Variants in NFIB observed in about 807,000 individuals in gnomAD.
NFIB encodes the protein nuclear factor 1 B-type.
A neutral mutation model predicts 61.5 loss-of-function variants in NFIB; 11 were observed. That is an observed-to-expected ratio of 0.18 (90% CI 0.11 to 0.30). The LOEUF (loss-of-function observed/expected upper bound fraction) is 0.30, where lower values mean the gene tolerates loss of function less well. Among genes scored for constraint, NFIB ranks in the 10% least tolerant of loss-of-function variants. The pLI, the probability that NFIB is intolerant of heterozygous loss-of-function variation, is 1.00. For missense variants in NFIB, 471 were observed against 608.9 expected, an observed-to-expected ratio of 0.77 and a Z score of 2.38; for synonymous variants, 260 against 216.5, an observed-to-expected ratio of 1.20 and a Z score of -1.76.
rs1295356906 is a variant in NFIB, at chr9:14,086,515, T to A, written c.*1794A>T. The A allele has an allele frequency of 4.7e-6, 1 of 211,280 alleles. No homozygotes were observed. The highest frequency in any genetic ancestry group is 2.3e-5 in the African/African-American group (1 of 44,036). 13.1% of individuals were successfully genotyped at this position (211,280 alleles called of 1,614,324 possible). On this transcript the variant is annotated 3_prime_UTR_variant, in exon 11 of 11. Transcript: ENST00000380953. ...TCCCCCCCAAATATTAATTGGAAGA[T>A]GAAAAACATGAAAGGTTAATAGAAA... is the stretch of plus-strand genomic sequence containing the variant.
rs573960819 is a variant in NFIB, at chr9:14,082,767, T to C, written c.*5542A>G. On this transcript the variant is annotated 3_prime_UTR_variant, in exon 11 of 11. Transcript: ENST00000380953. ...TGAAGGATGCATAAAAAGCCATACT[T>C]CTTAAAAAAAAAAAAAAGAAAAAAA... 1 of 188,478 alleles carries C rather than the reference T, an allele frequency of 5.3e-6. No individual in the cohort carries two copies. Among genetic ancestry groups the C allele is most frequent in the Admixed American group, 6.3e-5 (1 of 15,948 alleles). The allele number at this position is 188,478 out of a possible 1,614,324, so 11.7% of individuals were successfully genotyped here.
At chr9:14,326,976 C>T (rs1194069426) in intron 1 of NFIB, among the ~76,000 whole-genome samples, 1 of 151,970 alleles carries the variant, frequency 6.6e-6, no homozygotes. Flanking sequence ...AAAAAGAAAA[C>T]AATAAATTGG....
At chr9:14,441,307 A>G in the NFIB span, among the ~76,000 whole-genome samples, 1 of 152,200 alleles carries the variant, frequency 6.6e-6, no homozygotes, top group East Asian at 1.9e-4. Context: ...GAAGTTTGTG[A>G]TTCTCCAAAC....
At chr9:14,388,265 T>C (rs1367875893) in intron 1 of NFIB, among the ~76,000 whole-genome samples, 1 of 151,784 alleles carries the variant, frequency 6.6e-6, no homozygotes, top group African/African-American at 2.4e-5. Context: ...CCCAGCTACA[T>C]GGAGGAGGCT....
the NFIB span, among the ~76,000 whole-genome samples, chr9:14,460,148 G>C: frequency 6.6e-6 from 1 of 152,160 alleles, no homozygotes; most frequent in Non-Finnish European, 1.5e-5. Context: ...ACTGGATTAA[G>C]AAAATGTGGC....
the NFIB span, among the ~76,000 whole-genome samples, chr9:14,483,081 T>C: frequency 3.9e-5 from 6 of 152,314 alleles, no homozygotes; most frequent in South Asian, 2.1e-4. Flanking sequence ...AAAATGGCCC[T>C]TCTGGAAGTG....
At chr9:14,184,957 A>C (rs1031991783) in intron 2 of NFIB, among the ~76,000 whole-genome samples, 1 of 152,156 alleles carries the variant, frequency 6.6e-6, no homozygotes, top group African/African-American at 2.4e-5. Flanking sequence ...TGGGAGGTGG[A>C]GGTTGCAGTG....
At chr9:14,411,550 T>C in the NFIB span, among the ~76,000 whole-genome samples, 23 of 152,270 alleles carry the variant, frequency 1.5e-4, no homozygotes, top group African/African-American at 4.3e-4. Context: ...AAAGAGATCG[T>C]GTCAGGAGAG....
intron 2 of NFIB, among the ~76,000 whole-genome samples, chr9:14,301,091 T>C (rs2059724118): frequency 1.3e-5 from 2 of 152,230 alleles, no homozygotes; most frequent in Admixed American, 1.3e-4. Flanking sequence ...AAGTGCTTCT[T>C]AGGTACCACC....
upstream of NFIB, among the ~76,000 whole-genome samples, chr9:14,402,387 C>A (rs1298042398): frequency 6.6e-6 from 1 of 151,974 alleles, no homozygotes; most frequent in South Asian, 2.1e-4. Flanking sequence ...CCAGCTTAAA[C>A]AAAAGAAAAA....
chr9:14,126,831 GA>G (rs1449598714), intron 6 of NFIB, among the ~76,000 whole-genome samples: 1 of 152,210 alleles, frequency 6.6e-6, no homozygotes, highest in East Asian at 1.9e-4. Context: ...GACCACTTCA[GA>G]AGACAGATTC....
upstream of NFIB, among the ~76,000 whole-genome samples, chr9:14,317,954 AG>A (rs1457866989): frequency 6.6e-6 from 1 of 152,204 alleles, no homozygotes; most frequent in Non-Finnish European, 1.5e-5. Context: ...ATCTCTGAAA[AG>A]CTTCTGATAG....
chr9:14,273,776 C>T (rs1469301275), intron 2 of NFIB, among the ~76,000 whole-genome samples: 4 of 152,148 alleles, frequency 2.6e-5, no homozygotes, highest in African/African-American at 4.8e-5. Context: ...CCCCTACTTC[C>T]TTCCCAATGG....
Position 14,084,553 on chromosome 9 carries a change from A to C in NFIB, c.*3756T>G. The C allele has an allele frequency of 4.4e-6, 1 of 227,404 alleles. No homozygotes were observed. Among genetic ancestry groups the C allele is most frequent in the Non-Finnish European group, 8.8e-6 (1 of 114,218 alleles). The allele number at this position is 227,404 out of a possible 1,614,324, so 14.1% of individuals were successfully genotyped here. A position where few individuals can be genotyped will look rare whatever the true frequency, so the allele number is the denominator to read the frequency against. ...TAGACAAGCCTCAAATGCTCACGTCACTCCAGGGGTAACACGCTTCAGAGG... is the reference window on the plus strand; with the variant it reads ...TAGACAAGCCTCAAATGCTCACGTCCCTCCAGGGGTAACACGCTTCAGAGG... On this transcript the variant is annotated 3_prime_UTR_variant, in exon 11 of 11. Transcript: ENST00000380953.
chr9:14,430,428 C>G, the NFIB span, among the ~76,000 whole-genome samples: 2 of 152,054 alleles, frequency 1.3e-5, no homozygotes, highest in Admixed American at 1.3e-4. Flanking sequence ...ATAAACGGAT[C>G]CAGGGAATGA....
At chr9:14,105,289 C>T (rs1269288808) in intron 10 of NFIB, among the ~76,000 whole-genome samples, 1 of 152,016 alleles carries the variant, frequency 6.6e-6, no homozygotes, top group East Asian at 1.9e-4. Context: ...GAAAAATATG[C>T]TTAAGTACAT....
At chr9:14,327,215 T>C (rs1394091525) in intron 1 of NFIB, among the ~76,000 whole-genome samples, 1 of 152,196 alleles carries the variant, frequency 6.6e-6, no homozygotes, top group African/African-American at 2.4e-5. Flanking sequence ...AGTATAGTCC[T>C]GGCAAAAGAC....
At chr9:14,370,566 A>G (rs561888771) in intron 1 of NFIB, among the ~76,000 whole-genome samples, 52 of 152,376 alleles carry the variant, frequency 3.4e-4, no homozygotes, top group African/African-American at 1.1e-3. Flanking sequence ...CTTTATAAAC[A>G]CTTGACTTCA....
the NFIB span, among the ~76,000 whole-genome samples, chr9:14,416,892 CT>C: frequency 0.12 from 15,706 of 126,864 alleles, 988 homozygotes; most frequent in Non-Finnish European, 0.17. Context: ...ACTATTTTTA[CT>C]TTTTTTTTTT....
Sources: allele counts gnomAD v4.1 joint callset (sites outside exome capture counted in the v4.1 genomes callset), GRCh38; gene constraint gnomAD v4.1.1; transcripts MANE v1.5; gene names NCBI Gene and HGNC (gene_info 2026-07-23, HGNC 2026-07-21).